The following KAZN variants were observed in gnomAD, a reference collection of about 807,000 sequenced individuals.
KAZN encodes kazrin.
Under a neutral mutation model 87.4 loss-of-function variants are expected in KAZN, and 40 were observed. That is an observed-to-expected ratio of 0.46 (90% confidence interval 0.36 to 0.60). The LOEUF is 0.60. KAZN is among the 20% of genes least tolerant of loss of function. KAZN has a pLI of 0.00. For synonymous variants in KAZN, 466 were observed against 458.3 expected (o/e 1.02, Z -0.22); for missense variants, 898 against 1,073.9 (o/e 0.84, Z 2.29).
intron 1 of KAZN, among the ~76,000 whole-genome samples, chr1:14,803,940 C>T (rs1026318721): frequency 2.6e-5 from 4 of 152,244 alleles, no homozygotes; most frequent in Admixed American, 6.5e-5. Context: ...TCAGAGCCCG[C>T]TCACACCCCA....
At chr1:14,369,286 G>A (rs932638209) in intron 2 of KAZN, among the ~76,000 whole-genome samples, 5 of 152,154 alleles carry the variant, frequency 3.3e-5, no homozygotes, top group African/African-American at 1.2e-4. Context: ...TGTATCGTTC[G>A]CTCTTCAGTT....
At chr1:14,743,540 G>A (rs960003766) in intron 1 of KAZN, among the ~76,000 whole-genome samples, 2 of 152,096 alleles carry the variant, frequency 1.3e-5, no homozygotes, top group African/African-American at 4.8e-5. Context: ...TTCTAAATTG[G>A]CTTAAGCAAA....
chr1:15,092,306 C>G (rs1317802643), intron 8 of KAZN, among the ~76,000 whole-genome samples: 1 of 151,962 alleles, frequency 6.6e-6, no homozygotes, highest in Non-Finnish European at 1.5e-5. Context: ...AACTCCCGGC[C>G]TCAGGTGATC....
At chr1:14,839,461 G>A (rs983869544) in intron 1 of KAZN, among the ~76,000 whole-genome samples, 10 of 152,112 alleles carry the variant, frequency 6.6e-5, no homozygotes, top group Admixed American at 1.3e-4. Flanking sequence ...TAAATGAAGC[G>A]CACCCAGAAA....
intron 2 of KAZN, among the ~76,000 whole-genome samples, chr1:14,409,524 C>T (rs1176627431): frequency 6.6e-6 from 1 of 152,132 alleles, no homozygotes; most frequent in Non-Finnish European, 1.5e-5. Context: ...ATTTATATTA[C>T]CCACACTACC....
intron 2 of KAZN, among the ~76,000 whole-genome samples, chr1:14,568,718 C>T (rs572173068): frequency 6.6e-6 from 1 of 152,208 alleles, no homozygotes; most frequent in East Asian, 1.9e-4. Flanking sequence ...CCTCTTGATA[C>T]CCTGAGCAGA....
chr1:14,171,909 A>G (rs1323520752), intron 1 of KAZN, among the ~76,000 whole-genome samples: 1 of 152,238 alleles, frequency 6.6e-6, no homozygotes, highest in African/African-American at 2.4e-5. Context: ...GAAAACATTA[A>G]GAAATTGTAT....
At chr1:14,419,414 T>C (rs531846686) in intron 2 of KAZN, among the ~76,000 whole-genome samples, 1 of 152,248 alleles carries the variant, frequency 6.6e-6, no homozygotes, top group African/African-American at 2.4e-5. Flanking sequence ...GCCCATTCCC[T>C]TGTCACAGAA....
chr1:13,952,013 G>C (rs1032348141), intron 1 of KAZN, among the ~76,000 whole-genome samples: 2 of 152,270 alleles, frequency 1.3e-5, no homozygotes, highest in African/African-American at 4.8e-5. Flanking sequence ...AGTAAAGAAA[G>C]GGTGGTGTCT....
At chr1:14,667,429 AGTT>A (rs1329721665) in intron 1 of KAZN, among the ~76,000 whole-genome samples, 1 of 152,212 alleles carries the variant, frequency 6.6e-6, no homozygotes, top group Non-Finnish European at 1.5e-5. Context: ...AGCACACAGA[AGTT>A]GAGAAAAATT....
At chr1:14,516,835 A>G (rs1448479004) in intron 2 of KAZN, among the ~76,000 whole-genome samples, 1 of 150,972 alleles carries the variant, frequency 6.6e-6, no homozygotes, top group Non-Finnish European at 1.5e-5. Flanking sequence ...CTTTTCTATC[A>G]CCTTCAATTT....
intron 2 of KAZN, among the ~76,000 whole-genome samples, chr1:14,982,988 G>T (rs1031813904): frequency 1.3e-5 from 2 of 152,336 alleles, no homozygotes; most frequent in South Asian, 4.1e-4. Flanking sequence ...TGAGGGTTGA[G>T]GGAGCTGCCG....
intron 1 of KAZN, among the ~76,000 whole-genome samples, chr1:14,136,405 A>G (rs1346495633): frequency 6.6e-6 from 1 of 152,160 alleles, no homozygotes; most frequent in African/African-American, 2.4e-5. Context: ...TTGTGTGGAA[A>G]GCTTCATAAA....
intron 2 of KAZN, among the ~76,000 whole-genome samples, chr1:14,352,791 C>A (rs1658658892): frequency 6.6e-6 from 1 of 152,136 alleles, no homozygotes; most frequent in East Asian, 1.9e-4. Context: ...AAGAAAATTA[C>A]ATACCAACAT....
At chr1:14,252,761 A>G (rs1650161875) in intron 2 of KAZN, among the ~76,000 whole-genome samples, 1 of 152,220 alleles carries the variant, frequency 6.6e-6, no homozygotes, top group East Asian at 1.9e-4. Flanking sequence ...TTTCATCAAC[A>G]AATAAATCCC....
chr1:14,787,755 A>G (rs1345216867), intron 1 of KAZN, among the ~76,000 whole-genome samples: 1 of 152,142 alleles, frequency 6.6e-6, no homozygotes, highest in African/African-American at 2.4e-5. Flanking sequence ...TGTGCACAAC[A>G]GCCCTGTGGA....
intron 2 of KAZN, among the ~76,000 whole-genome samples, chr1:14,581,903 C>T (rs1675576089): frequency 6.6e-6 from 1 of 152,162 alleles, no homozygotes; most frequent in Admixed American, 6.5e-5. Flanking sequence ...TTCTCCTTCT[C>T]CCCCTTCGTC....
Position 14,795,440 on chromosome 1 carries a change from A to G in KAZN, c.227-165244A>G, listed in dbSNP as rs543473981. Among the ~76,000 whole-genome samples, 10 of 152,272 alleles carry G rather than the reference A, an allele frequency of 6.6e-5. No homozygotes were observed. In the South Asian group the frequency reaches 2.1e-3, roughly 32 times the overall value. On this transcript the variant is annotated intron_variant, in intron 1 of 14. Transcript: ENST00000376030. Reference sequence around the variant, plus strand: ...GGTACTTGTCGATATGGATGGTAGCATGGTACTTGTAGGTAGGTACTATGT... The same window carrying G: ...GGTACTTGTCGATATGGATGGTAGCGTGGTACTTGTAGGTAGGTACTATGT...
intron 2 of KAZN, among the ~76,000 whole-genome samples, chr1:14,372,224 T>G (rs1437578601): frequency 6.6e-6 from 1 of 152,224 alleles, no homozygotes; most frequent in Non-Finnish European, 1.5e-5. Flanking sequence ...AGATTACATA[T>G]AGCTATAGTG....
Sources: gnomAD v4.1 joint callset for allele counts (sites outside exome capture counted in the v4.1 genomes callset) on GRCh38, gnomAD v4.1.1 for gene constraint, MANE v1.5 for transcripts, NCBI Gene and HGNC (gene_info 2026-07-23, HGNC 2026-07-21) for gene names.